Variants in ARHGAP26 observed in about 807,000 individuals in gnomAD.
ARHGAP26 encodes the protein Rho GTPase activating protein 26, also known as rho GTPase-activating protein 26.
ARHGAP26 carries 38 observed loss-of-function variants against 104.8 expected under a neutral mutation model. That is an observed-to-expected ratio of 0.36 (90% CI 0.28 to 0.48). ARHGAP26 has a LOEUF of 0.48. ARHGAP26 is among the 20% of genes least tolerant of loss of function. The pLI, the probability that ARHGAP26 is intolerant of heterozygous loss-of-function variation, is 0.99. For synonymous variants in ARHGAP26, 341 were observed against 340.0 expected (o/e 1.00, Z -0.03); for missense variants, 704 against 947.9 (o/e 0.74, Z 3.38).
intron 20 of ARHGAP26, among the ~76,000 whole-genome samples, chr5:143,176,394 T>C (rs1011643839): frequency 2.0e-5 from 3 of 152,210 alleles, no homozygotes; most frequent in African/African-American, 4.8e-5. Context: ...AAGTTTCTTA[T>C]GGGAATTTAC....
intron 11 of ARHGAP26, among the ~76,000 whole-genome samples, chr5:143,001,663 G>C (rs1358527021): frequency 6.6e-6 from 1 of 152,210 alleles, no homozygotes; most frequent in Non-Finnish European, 1.5e-5. Context: ...AGTGGATTCT[G>C]CCTGTGATGG....
chr5:142,878,394 G>T (rs1756432719), intron 3 of ARHGAP26, among the ~76,000 whole-genome samples: 2 of 152,194 alleles, frequency 1.3e-5, no homozygotes, highest in South Asian at 4.1e-4. Context: ...ACAGTTGGCA[G>T]CCAATCAAGA....
At chr5:143,109,328 A>G (rs1167273763) in intron 17 of ARHGAP26, among the ~76,000 whole-genome samples, 1 of 152,264 alleles carries the variant, frequency 6.6e-6, no homozygotes, top group South Asian at 2.1e-4. Context: ...GCAAAGGCAC[A>G]GGGCCTGACA....
At chr5:142,810,327 G>A (rs761784509) in intron 1 of ARHGAP26, among the ~76,000 whole-genome samples, 2 of 152,150 alleles carry the variant, frequency 1.3e-5, no homozygotes, top group Non-Finnish European at 2.9e-5. Context: ...AATAATAGTC[G>A]AAAGAATAGT....
chr5:142,790,292 G>C (rs1759532807), intron 1 of ARHGAP26, among the ~76,000 whole-genome samples: 1 of 152,092 alleles, frequency 6.6e-6, no homozygotes, highest in African/African-American at 2.4e-5. Context: ...CTTCCATTCT[G>C]GGCCTATAGT....
intron 11 of ARHGAP26, among the ~76,000 whole-genome samples, chr5:142,945,186 T>G (rs1766926106): frequency 1.3e-5 from 2 of 152,190 alleles, no homozygotes; most frequent in Non-Finnish European, 2.9e-5. Context: ...GGAGCTACCA[T>G]GTCTAACCAA....
At chr5:143,106,466 CTTTTTTTTTT>C (rs70991793) in intron 17 of ARHGAP26, among the ~76,000 whole-genome samples, 2 of 77,292 alleles carry the variant, frequency 2.6e-5, no homozygotes, top group East Asian at 4.7e-4. Context: ...ATGCATTGGG[CTTTTTTTTTT>C]TTTTTTTTTT....
intron 12 of ARHGAP26, among the ~76,000 whole-genome samples, chr5:143,015,697 C>T (rs1779495550): frequency 6.6e-6 from 1 of 152,130 alleles, no homozygotes; most frequent in South Asian, 2.1e-4. Flanking sequence ...ACATTGCCTC[C>T]ATAATAAAGG....
At position 142,969,017 on chromosome 5, in the gene ARHGAP26, G is replaced by A. The variant is rs139806441; in HGVS notation, c.1107+36892G>A. The stretch of plus-strand genomic sequence containing the variant: ...CGCACTCATGGCTCATTGTAGCCTT[G>A]ACCTCCCAGGCTCAAGTGATCCTCC... On this transcript the variant is annotated intron_variant, in intron 11 of 22. Transcript: ENST00000645722. Among the ~76,000 whole-genome samples the A allele has an allele frequency of 3.3e-3, 506 of 152,272 alleles. 5 individuals are homozygous for A. Among genetic ancestry groups the A allele is most frequent in the African/African-American group, 0.012 (484 of 41,548 alleles).
chr5:142,900,671 G>T (rs1278011179), intron 6 of ARHGAP26, among the ~76,000 whole-genome samples: 1 of 152,062 alleles, frequency 6.6e-6, no homozygotes, highest in East Asian at 1.9e-4. Flanking sequence ...CAGAAAAGGA[G>T]AGTTAGTTAG....
chr5:143,192,890 T>C (rs1231014239), intron 20 of ARHGAP26, among the ~76,000 whole-genome samples: 1 of 152,180 alleles, frequency 6.6e-6, no homozygotes, highest in Non-Finnish European at 1.5e-5. Flanking sequence ...AAAAGATCTC[T>C]GGTCACCCTA....
intron 20 of ARHGAP26, among the ~76,000 whole-genome samples, chr5:143,179,307 C>T (rs920715559): frequency 6.6e-6 from 1 of 152,222 alleles, no homozygotes; most frequent in Admixed American, 6.5e-5. Flanking sequence ...GGCACCAAGG[C>T]AGCACTTACT....
At chr5:143,186,323 C>T (rs1291969137) in intron 20 of ARHGAP26, among the ~76,000 whole-genome samples, 1 of 152,170 alleles carries the variant, frequency 6.6e-6, no homozygotes, top group Non-Finnish European at 1.5e-5. Context: ...AAGTAATGCC[C>T]TGTGACTCTG....
At chr5:142,924,277 G>A (rs1249427241) in intron 10 of ARHGAP26, among the ~76,000 whole-genome samples, 1 of 151,170 alleles carries the variant, frequency 6.6e-6, no homozygotes, top group East Asian at 1.9e-4. Flanking sequence ...TCCTTAAGAT[G>A]CTGGTCTTTC....
intron 22 of ARHGAP26, among the ~76,000 whole-genome samples, chr5:143,219,949 C>T (rs1490702565): frequency 1.3e-5 from 2 of 152,220 alleles, no homozygotes; most frequent in East Asian, 3.9e-4. Flanking sequence ...CCTGCCATCT[C>T]CTGTGACCTA....
At chr5:143,219,998 T>C (rs1810921899) in intron 22 of ARHGAP26, among the ~76,000 whole-genome samples, 1 of 152,198 alleles carries the variant, frequency 6.6e-6, no homozygotes, top group Non-Finnish European at 1.5e-5. Flanking sequence ...TCTTGTCCCC[T>C]CTAATTCTTC....
intron 11 of ARHGAP26, among the ~76,000 whole-genome samples, chr5:143,003,089 G>A (rs1252009417): frequency 6.6e-6 from 1 of 152,130 alleles, no homozygotes; most frequent in Non-Finnish European, 1.5e-5. Flanking sequence ...CAAAGTCACG[G>A]GGTAGCGGAG....
intron 1 of ARHGAP26, among the ~76,000 whole-genome samples, chr5:142,773,676 C>T (rs1353336658): frequency 6.6e-6 from 1 of 152,214 alleles, no homozygotes; most frequent in Non-Finnish European, 1.5e-5. Flanking sequence ...AGTTCTTTCT[C>T]CATCACGGGC....
intron 20 of ARHGAP26, among the ~76,000 whole-genome samples, chr5:143,178,209 A>G (rs1268103437): frequency 6.6e-6 from 1 of 151,920 alleles, no homozygotes; most frequent in Non-Finnish European, 1.5e-5. Flanking sequence ...TATGTTGGCC[A>G]GGCTGGTCTC....
Sources: gnomAD v4.1 joint callset for allele counts (sites outside exome capture counted in the v4.1 genomes callset) on GRCh38, gnomAD v4.1.1 for gene constraint, MANE v1.5 for transcripts, NCBI Gene and HGNC (gene_info 2026-07-23, HGNC 2026-07-21) for gene names.